Variants in TRIM2 observed in about 807,000 individuals in gnomAD.
TRIM2 encodes the protein tripartite motif containing 2.
TRIM2 carries 20 observed loss-of-function variants against 75.2 expected under a neutral mutation model. The ratio of observed to expected loss-of-function variants is 0.27; its 90% CI spans 0.19 to 0.39. The LOEUF (loss-of-function observed/expected upper bound fraction) is 0.39, where lower values mean the gene tolerates loss of function less well. Among genes scored for constraint, TRIM2 ranks in the 10% least tolerant of loss-of-function variants. The pLI is 1.00. For synonymous variants in TRIM2, 373 were observed against 388.3 expected (o/e 0.96, Z 0.46); for missense variants, 660 against 990.8 (o/e 0.67, Z 4.48).
chr4:153,315,609 C>A, intron 7 of TRIM2, 21 bp downstream of exon 7: 2 of 1,547,428 alleles, frequency 1.3e-6, no homozygotes, highest in Non-Finnish European at 1.8e-6. Context: ...TAATTATATA[C>A]CTTTAACTAC....
intron 1 of TRIM2, among the ~76,000 whole-genome samples, chr4:153,198,126 T>G (rs1453440081): frequency 6.6e-6 from 1 of 152,186 alleles, no homozygotes; most frequent in Non-Finnish European, 1.5e-5. Context: ...TTTTTATTAT[T>G]TTAAAAAAGA....
At chr4:153,316,068 A>C in intron 8 of TRIM2, 69 bp downstream of exon 8, 1 of 1,434,048 alleles carries the variant, frequency 7.0e-7, no homozygotes, top group Non-Finnish European at 9.3e-7. Context: ...ATGAAATTGC[A>C]TATTTCTTTT....
chr4:153,295,527 G>T lies in TRIM2; in HGVS notation c.1001G>T (p.Gly334Val). 1 of 1,613,494 alleles carries T rather than the reference G, an allele frequency of 6.2e-7. No homozygotes were observed. ...DQLDFIVETE[G>V]LKKSIHNLGT... ...CTGGATTTCATCGTGGAAACCGAGG[G>T]GCTGAAGAAGTCCATCCACAACCTC... Residue 334 changes from glycine to valine, a missense_variant, in exon 6 of 12, where the codon GGG (glycine) becomes GTG (valine). Physicochemically the swap from Gly to Val is moderately radical, Grantham distance 109 (BLOSUM62 -3). Around this residue, in one of 2 missense-constraint regions of TRIM2, gnomAD observed 620 missense variants for 891.0 expected, o/e 0.70. Coordinates refer to ENST00000338700, the MANE Select transcript of TRIM2 (RefSeq NM_015271.5). This position sits in a 1 kb window ranked among gnomAD's most constrained non-coding sequence, Gnocchi z 7.2.
chr4:153,223,366 T>C (rs779625758), intron 1 of TRIM2, among the ~76,000 whole-genome samples: 3 of 152,210 alleles, frequency 2.0e-5, no homozygotes, highest in Non-Finnish European at 4.4e-5. Flanking sequence ...TACTGAGCAA[T>C]CTGAAAGCAG....
chr4:153,256,850 C>T (rs1472482648), intron 1 of TRIM2, among the ~76,000 whole-genome samples: 2 of 152,150 alleles, frequency 1.3e-5, no homozygotes, highest in Admixed American at 1.3e-4. Context: ...ACTTTATAGA[C>T]CCTGCCCTGG....
chr4:153,328,731 T>G (rs1414825840), intron 11 of TRIM2, 61 bp downstream of exon 11: 1 of 1,481,572 alleles, frequency 6.7e-7, no homozygotes, highest in African/African-American at 1.4e-5. Context: ...AGTGAAGAAT[T>G]TGCTGTCCCC....
chr4:153,204,568 C>T lies in TRIM2; in HGVS notation c.30+8C>T. ...GGCCGTTATGGAACGCAGGTAAGGA[C>T]GCTTCTCAATGTGGGATAATTCTTT... On this transcript the variant is annotated splice_region_variant and intron_variant, in intron 1 of 11. Transcript: ENST00000338700. 1 of 1,551,668 alleles carries T rather than the reference C, an allele frequency of 6.4e-7. No homozygotes were observed. The highest frequency in any genetic ancestry group is 8.7e-7 in the Non-Finnish European group (1 of 1,147,002).
chr4:153,192,939 A>G (rs1445420573), intron 1 of TRIM2, among the ~76,000 whole-genome samples: 2 of 152,022 alleles, frequency 1.3e-5, no homozygotes, highest in Non-Finnish European at 2.9e-5. Flanking sequence ...GTTGTTCCCA[A>G]TCCTCTTTTA....
At chr4:153,324,659 ATC>A (rs1769763844) in intron 10 of TRIM2, among the ~76,000 whole-genome samples, 1 of 152,218 alleles carries the variant, frequency 6.6e-6, no homozygotes, top group African/African-American at 2.4e-5. Flanking sequence ...CCTATAGTAT[ATC>A]TTTCTTACTA....
rs1772550138 is a variant in TRIM2 at position 153,337,208 on chromosome 4, T to C, written c.*2242T>C. On this transcript the variant is annotated 3_prime_UTR_variant, in exon 12 of 12. Transcript: ENST00000338700. ...TTTAGTTTATTTTCACAAGTAAAAA[T>C]GGCTTTTTATTTAGATTCTTTCTGT... 1 of 985,386 alleles carries C rather than the reference T, an allele frequency of 1.0e-6. No homozygotes were observed. The highest frequency in any genetic ancestry group is 1.2e-6 in the Non-Finnish European group (1 of 829,920). The allele number at this position is 985,386 out of a possible 1,614,324, so 61.0% of individuals were successfully genotyped here.
intron 1 of TRIM2, among the ~76,000 whole-genome samples, chr4:153,238,953 G>A (rs749201372): frequency 2.6e-5 from 4 of 152,172 alleles, no homozygotes; most frequent in African/African-American, 4.8e-5. Flanking sequence ...CCACTGTGAC[G>A]GTATTTGGAG....
At chr4:153,312,314 T>C (rs1280894356) in intron 6 of TRIM2, among the ~76,000 whole-genome samples, 2 of 152,084 alleles carry the variant, frequency 1.3e-5, no homozygotes, top group Non-Finnish European at 2.9e-5. Context: ...CAGTCTATCA[T>C]TGTTGGACAT....
intron 1 of TRIM2, among the ~76,000 whole-genome samples, chr4:153,178,926 C>G (rs1287076009): frequency 1.3e-5 from 2 of 152,184 alleles, no homozygotes; most frequent in Non-Finnish European, 2.9e-5. Context: ...GTTGTCAGGT[C>G]TCAAGCTCCA....
intron 1 of TRIM2, among the ~76,000 whole-genome samples, chr4:153,223,679 A>G (rs553427852): frequency 1.7e-4 from 26 of 152,194 alleles, no homozygotes; most frequent in Non-Finnish European, 3.5e-4. Context: ...TGTCAGATCC[A>G]AAGCATTCTG....
chr4:153,204,162 T>G (rs573311031), upstream of TRIM2, among the ~76,000 whole-genome samples: 3 of 152,358 alleles, frequency 2.0e-5, 1 homozygote, highest in African/African-American at 7.2e-5. Flanking sequence ...GTGTGCAGTC[T>G]ACAAACACTT....
chr4:153,293,760 C>T (rs760404424), intron 4 of TRIM2, among the ~76,000 whole-genome samples: 1 of 152,218 alleles, frequency 6.6e-6, no homozygotes, highest in African/African-American at 2.4e-5. Context: ...AACTTGGAAA[C>T]TTACGAGAAG....
intron 1 of TRIM2, among the ~76,000 whole-genome samples, chr4:153,191,653 A>G (rs1390324385): frequency 6.6e-6 from 1 of 152,164 alleles, no homozygotes; most frequent in East Asian, 1.9e-4. Context: ...GGTACTTCTT[A>G]TTTATTTTTT....
At chr4:153,294,087 G>T (rs760158658) in intron 4 of TRIM2, among the ~76,000 whole-genome samples, 1 of 151,856 alleles carries the variant, frequency 6.6e-6, no homozygotes, top group South Asian at 2.1e-4. Flanking sequence ...GACAATTGAT[G>T]GTAGATTGAA....
intron 1 of TRIM2, among the ~76,000 whole-genome samples, chr4:153,180,434 G>C (rs1279127240): frequency 2.0e-5 from 3 of 152,228 alleles, no homozygotes; most frequent in Non-Finnish European, 4.4e-5. Flanking sequence ...AGGCTTAGCT[G>C]TCAGGGCACA....
Sources: allele counts gnomAD v4.1 joint callset (sites outside exome capture counted in the v4.1 genomes callset), GRCh38; gene constraint gnomAD v4.1.1; regional missense constraint gnomAD v4.1.1; non-coding constraint Gnocchi (gnomAD v3.1); transcripts MANE v1.5; gene names NCBI Gene and HGNC (gene_info 2026-07-23, HGNC 2026-07-21).